MDFIC: variants seen among roughly 807,000 people sequenced by gnomAD.
MDFIC encodes the protein MyoD family inhibitor domain containing, also known as myoD family inhibitor domain-containing protein.
A neutral mutation model predicts 23.2 loss-of-function variants in MDFIC; 17 were observed. That is an observed-to-expected ratio of 0.73 (90% CI 0.50 to 1.10). The LOEUF is 1.10. MDFIC is among the 50% of genes least tolerant of loss of function. The pLI is 0.00. For synonymous variants in MDFIC, 120 were observed against 115.2 expected (o/e 1.04, Z -0.27); for missense variants, 356 against 316.6 (o/e 1.12, Z -0.95).
intron 4 of MDFIC, among the ~76,000 whole-genome samples, chr7:115,012,429 G>T (rs1791700010): frequency 6.6e-6 from 1 of 152,166 alleles, no homozygotes; most frequent in Non-Finnish European, 1.5e-5. Flanking sequence ...CAGTTTCAAA[G>T]ATTGGTGAGA....
intron 3 of MDFIC, among the ~76,000 whole-genome samples, chr7:114,962,333 A>T (rs1793009794): frequency 6.6e-6 from 1 of 152,218 alleles, no homozygotes; most frequent in African/African-American, 2.4e-5. Flanking sequence ...ATATGTAGTA[A>T]CCACTTGCAA....
intron 2 of MDFIC, among the ~76,000 whole-genome samples, chr7:114,939,545 TG>T (rs1484975488): frequency 1.3e-5 from 2 of 152,206 alleles, no homozygotes; most frequent in Admixed American, 1.3e-4. Flanking sequence ...TGTGATAAAT[TG>T]TCCATTAATA....
intron 3 of MDFIC, among the ~76,000 whole-genome samples, chr7:114,965,550 A>G (rs559272025): frequency 6.3e-4 from 96 of 152,286 alleles, no homozygotes; most frequent in Admixed American, 1.1e-3. Flanking sequence ...CGGAGGGGAA[A>G]GGATGGATTA....
intron 2 of MDFIC, among the ~76,000 whole-genome samples, chr7:114,925,577 A>T (rs1451588820): frequency 6.6e-6 from 1 of 152,202 alleles, no homozygotes; most frequent in African/African-American, 2.4e-5. Flanking sequence ...GAGCAGGGAC[A>T]TAAGCTTACA....
In MDFIC at chr7:114,946,726, C is replaced by T. The variant is rs1178530166; in HGVS notation, c.217+4329C>T. Among the ~76,000 whole-genome samples the T allele has an allele frequency of 2.6e-5, 4 of 152,212 alleles. No homozygotes were observed. The East Asian group carries it at 5.8e-4, about 22-fold the overall frequency. ...TGGCAGTAGAACGCAAGCTCTTCTC[C>T]GGCTCACACTTGCTCACCCTTATGG... On this transcript the variant is annotated intron_variant, in intron 3 of 4. Transcript: ENST00000393486.
At chr7:114,954,068 T>C (rs1300474783) in intron 3 of MDFIC, among the ~76,000 whole-genome samples, 1 of 152,218 alleles carries the variant, frequency 6.6e-6, no homozygotes, top group African/African-American at 2.4e-5. Context: ...GTAGAGCTTC[T>C]TTTCATTTCT....
chr7:114,981,547 C>A (rs1793417485), intron 4 of MDFIC, among the ~76,000 whole-genome samples: 1 of 152,112 alleles, frequency 6.6e-6, no homozygotes, highest in South Asian at 2.1e-4. Context: ...TATGGCCTAC[C>A]ACAGAGCTCT....
chr7:115,008,968 G>T (rs1276614534), intron 4 of MDFIC, among the ~76,000 whole-genome samples: 1 of 152,200 alleles, frequency 6.6e-6, no homozygotes, highest in Non-Finnish European at 1.5e-5. Flanking sequence ...GGGAACAACT[G>T]GGGGTGCTCT....
intron 4 of MDFIC, among the ~76,000 whole-genome samples, chr7:114,998,380 T>C (rs1038905648): frequency 1.3e-5 from 2 of 148,620 alleles, no homozygotes; most frequent in Non-Finnish European, 2.9e-5. Context: ...TAGTCTAAAC[T>C]TTACTTTAGC....
At chr7:114,975,657 TG>T (rs1168410037) in intron 3 of MDFIC, among the ~76,000 whole-genome samples, 2 of 152,112 alleles carry the variant, frequency 1.3e-5, no homozygotes, top group African/African-American at 4.8e-5. Flanking sequence ...CAGGTGTTTT[TG>T]TTCTTCATTT....
chr7:114,924,930 G>C (rs1407296377), intron 2 of MDFIC, among the ~76,000 whole-genome samples: 1 of 152,082 alleles, frequency 6.6e-6, no homozygotes, highest in African/African-American at 2.4e-5. Flanking sequence ...AAGAAGCTTT[G>C]CTCGAAGGCC....
intron 3 of MDFIC, among the ~76,000 whole-genome samples, chr7:114,969,720 AT>A (rs139798332): frequency 0.018 from 2,751 of 152,272 alleles, 77 homozygotes; most frequent in African/African-American, 0.063. Context: ...GTGTATAAAC[AT>A]GCAGATGATG....
intron 3 of MDFIC, among the ~76,000 whole-genome samples, chr7:114,943,874 A>C (rs538203877): frequency 6.6e-6 from 1 of 152,178 alleles, no homozygotes; most frequent in African/African-American, 2.4e-5. Flanking sequence ...TTATTTCCTT[A>C]ATCTCTTTTC....
intron 2 of MDFIC, among the ~76,000 whole-genome samples, chr7:114,924,830 T>C (rs991767478): frequency 1.3e-5 from 2 of 152,208 alleles, no homozygotes; most frequent in African/African-American, 4.8e-5. Flanking sequence ...ATAAGGTGTA[T>C]TTAAAGAAAG....
intron 4 of MDFIC, among the ~76,000 whole-genome samples, chr7:114,992,102 C>G: frequency 6.6e-6 from 1 of 152,148 alleles, no homozygotes; most frequent in Non-Finnish European, 1.5e-5. Context: ...ATTTTCTTCT[C>G]TTTGAAGCAA....
chr7:115,008,583 A>G (rs1791618788), intron 4 of MDFIC, among the ~76,000 whole-genome samples: 1 of 152,092 alleles, frequency 6.6e-6, no homozygotes, highest in Non-Finnish European at 1.5e-5. Context: ...AGGTCAGGCT[A>G]GGGCTGTTGG....
chr7:114,993,394 C>G (rs1273363470), intron 4 of MDFIC, among the ~76,000 whole-genome samples: 2 of 152,158 alleles, frequency 1.3e-5, no homozygotes, highest in African/African-American at 4.8e-5. Flanking sequence ...CTTCTGCTGG[C>G]TTTTAAATGT....
At chr7:115,010,025 C>T (rs1791648495) in intron 4 of MDFIC, among the ~76,000 whole-genome samples, 1 of 151,962 alleles carries the variant, frequency 6.6e-6, no homozygotes, top group African/African-American at 2.4e-5. Context: ...TTGGCAAAAA[C>T]TGTAAATAAT....
chr7:115,002,166 CAAAA>C (rs912293663), intron 4 of MDFIC, among the ~76,000 whole-genome samples: 6 of 148,748 alleles, frequency 4.0e-5, no homozygotes, highest in Admixed American at 6.8e-5. Flanking sequence ...AACAAACAAA[CAAAA>C]AGAAACTGGC....
Sources: allele counts gnomAD v4.1 joint callset (sites outside exome capture counted in the v4.1 genomes callset), GRCh38; gene constraint gnomAD v4.1.1; transcripts MANE v1.5; gene names NCBI Gene and HGNC (gene_info 2026-07-23, HGNC 2026-07-21).